Variants in GSE1 observed in about 807,000 individuals in gnomAD.
GSE1 encodes the protein Gse1 coiled-coil protein, also known as genetic suppressor element 1.
Under a neutral mutation model 112.6 loss-of-function variants are expected in GSE1, and 32 were observed. That is an observed-to-expected ratio of 0.28 (90% CI 0.21 to 0.38). The LOEUF (loss-of-function observed/expected upper bound fraction) is 0.38. Among genes scored for constraint, GSE1 ranks in the 10% least tolerant of loss-of-function variants. GSE1 has a pLI of 1.00. For missense variants in GSE1, 2,348 were observed against 1,699.2 expected (o/e 1.38, Z -6.71); for synonymous variants, 1,115 against 735.6 (o/e 1.52, Z -8.35).
intron 1 of GSE1, among the ~76,000 whole-genome samples, chr16:85,173,144 G>A (rs1397922109): frequency 6.6e-6 from 1 of 152,180 alleles, no homozygotes; most frequent in Non-Finnish European, 1.5e-5. Flanking sequence ...GGCTGAAACT[G>A]GGAGAAGAGA....
At chr16:85,582,887 A>G (rs1283400522) in intron 1 of GSE1, among the ~76,000 whole-genome samples, 1 of 152,206 alleles carries the variant, frequency 6.6e-6, no homozygotes, top group Non-Finnish European at 1.5e-5. Flanking sequence ...TAAAAATTCA[A>G]TTAATTCCAG....
intron 2 of GSE1, among the ~76,000 whole-genome samples, chr16:85,521,984 G>T (rs1032582782): frequency 6.6e-6 from 1 of 152,246 alleles, no homozygotes; most frequent in African/African-American, 2.4e-5. Context: ...AGCTGGCAAA[G>T]GTGGCAGGGG....
intron 2 of GSE1, among the ~76,000 whole-genome samples, chr16:85,394,290 C>G (rs981175895): frequency 1.2e-4 from 18 of 152,308 alleles, no homozygotes; most frequent in African/African-American, 4.3e-4. Flanking sequence ...CAAAGTAGGG[C>G]AGAGCCATTA....
chr16:85,170,836 C>G, exon 1 of GSE1: 3 of 985,568 alleles, frequency 3.0e-6, no homozygotes, highest in Non-Finnish European at 3.6e-6. Context: ...GAGCTTCGAG[C>G]TGGCCAACGT....
intron 1 of GSE1, among the ~76,000 whole-genome samples, chr16:85,588,785 C>T (rs7203741): frequency 0.077 from 11,655 of 152,154 alleles, 1,459 homozygotes; most frequent in African/African-American, 0.26. Context: ...TCAGGGGGCC[C>T]GGGGACGCTG....
chr16:85,622,266 T>C (rs917815207), intron 1 of GSE1, among the ~76,000 whole-genome samples: 2 of 152,134 alleles, frequency 1.3e-5, no homozygotes, highest in African/African-American at 4.8e-5. Flanking sequence ...TGCTTGTTGG[T>C]TTTTTCCAGT....
intron 2 of GSE1, among the ~76,000 whole-genome samples, chr16:85,503,021 A>G (rs1393266619): frequency 6.6e-6 from 1 of 152,198 alleles, no homozygotes; most frequent in Non-Finnish European, 1.5e-5. Context: ...CCCCATGAGG[A>G]GACCACACTG....
intron 2 of GSE1, among the ~76,000 whole-genome samples, chr16:85,497,178 C>T (rs1244551917): frequency 2.6e-5 from 4 of 152,216 alleles, no homozygotes; most frequent in Admixed American, 2.0e-4. Context: ...GGATTACAGG[C>T]GTGAGCCACC....
At chr16:85,490,780 A>T (rs2050986365) in intron 2 of GSE1, 1 of 152,244 alleles carries the variant, frequency 6.6e-6, no homozygotes, top group African/African-American at 2.4e-5. Flanking sequence ...CGGGCAATTG[A>T]TTTAAATCAT....
In GSE1 at chr16:85,419,550, G is replaced by A. The variant is rs188577178; in HGVS notation, c.2464+61907G>A. ...GACCCTGGGAAATCGAGGCTGCAGT[G>A]AGCCATGACTGCATCACTGTACTCC... On this transcript the variant is annotated intron_variant, in intron 2 of 2. Transcript: ENST00000637419. This position sits in a 1 kb window ranked among gnomAD's most constrained non-coding sequence, Gnocchi z 6.5. Among the ~76,000 whole-genome samples the A allele has an allele frequency of 9.9e-4, 150 of 151,708 alleles. No individual in the cohort carries two copies. The highest frequency in any genetic ancestry group is 3.4e-3 in the African/African-American group (142 of 41,322).
intron 1 of GSE1, among the ~76,000 whole-genome samples, chr16:85,193,026 G>A (rs1312796419): frequency 6.6e-6 from 1 of 152,190 alleles, no homozygotes; most frequent in Non-Finnish European, 1.5e-5. Flanking sequence ...CTCTTCCCCC[G>A]GCATCTGGCA....
intron 1 of GSE1, among the ~76,000 whole-genome samples, chr16:85,580,816 C>T (rs1023201677): frequency 6.6e-6 from 1 of 152,258 alleles, no homozygotes; most frequent in Non-Finnish European, 1.5e-5. Context: ...GTCACGTGAG[C>T]TCTCGGCCAG....
chr16:85,246,345 G>C (rs1447865170), intron 1 of GSE1, among the ~76,000 whole-genome samples: 3 of 26,766 alleles, frequency 1.1e-4, no homozygotes, highest in Non-Finnish European at 7.4e-5. Flanking sequence ...CCCACACGCT[G>C]TCTACACACA....
rs192804038 is a variant in GSE1, at chr16:85,249,513, G to A, written c.2283+77706G>A. ...TGCCAGCCAGAGCTCTGGGTTCCGG[G>A]GGCGCGCCTCTCTCCAAAGGCTGCT... On this transcript the variant is annotated intron_variant, in intron 1 of 2. Coordinates refer to the GSE1 transcript ENST00000637419. 3.6e-3 allele frequency among the ~76,000 whole-genome samples: 555 copies of A among 152,300 alleles called. 11 individuals are homozygous for A. Among genetic ancestry groups the A allele is most frequent in the Admixed American group, 0.033 (509 of 15,296 alleles).
intron 1 of GSE1, among the ~76,000 whole-genome samples, chr16:85,183,737 T>C (rs1597739682): frequency 6.6e-6 from 1 of 151,822 alleles, no homozygotes; most frequent in Admixed American, 6.6e-5. Context: ...ACCTCAGAGG[T>C]GATTATCCCC....
At chr16:85,660,586 C>T (rs771470657) in intron 8 of GSE1, among the ~76,000 whole-genome samples, 1 of 152,010 alleles carries the variant, frequency 6.6e-6, no homozygotes, top group Non-Finnish European at 1.5e-5. Flanking sequence ...TTGCAGTGAG[C>T]TGAGCTTGCC....
intron 1 of GSE1, chr16:85,171,905 G>A (rs2074364578): frequency 1.5e-6 from 1 of 671,720 alleles, no homozygotes; most frequent in African/African-American, 1.9e-5. Flanking sequence ...TCTGAAGGAG[G>A]AGTTTTCACT....
At chr16:85,259,917 G>A (rs986698217) in intron 1 of GSE1, among the ~76,000 whole-genome samples, 2 of 152,250 alleles carry the variant, frequency 1.3e-5, no homozygotes, top group African/African-American at 4.8e-5. Context: ...GCTGCAGGGA[G>A]AAAGGGCTGG....
intron 2 of GSE1, among the ~76,000 whole-genome samples, chr16:85,427,550 G>T (rs113460253): frequency 4.6e-5 from 7 of 152,232 alleles, no homozygotes; most frequent in Admixed American, 4.6e-4. Flanking sequence ...CCTGAGGCAG[G>T]AGAATCGCTT....
Sources: gnomAD v4.1 joint callset for allele counts (sites outside exome capture counted in the v4.1 genomes callset) on GRCh38, gnomAD v4.1.1 for gene constraint, Gnocchi (gnomAD v3.1) non-coding constraint, MANE v1.5 for transcripts, NCBI Gene and HGNC (gene_info 2026-07-23, HGNC 2026-07-21) for gene names.